Variants in CCDC102B observed in about 807,000 individuals in gnomAD.
The protein encoded by CCDC102B is coiled-coil domain containing 102B.
A neutral mutation model predicts 57.4 loss-of-function variants in CCDC102B; 75 were observed. That is an observed-to-expected ratio of 1.31 (90% CI 1.08 to 1.58). The LOEUF (loss-of-function observed/expected upper bound fraction) is 1.58. CCDC102B is among the 40% of genes most tolerant of loss of function. CCDC102B has a pLI of 0.00. For synonymous variants in CCDC102B, 206 were observed against 201.9 expected, an observed-to-expected ratio of 1.02 and a Z score of -0.17; for missense variants, 636 against 582.6, an observed-to-expected ratio of 1.09 and a Z score of -0.94.
At chr18:68,929,408 G>A (rs1275907842) in intron 6 of CCDC102B, among the ~76,000 whole-genome samples, 6 of 151,864 alleles carry the variant, frequency 4.0e-5, no homozygotes, top group Non-Finnish European at 5.9e-5. Context: ...AAAAGCATTG[G>A]TTTTACAACA....
At chr18:68,997,457 C>A (rs113219089) in intron 6 of CCDC102B, among the ~76,000 whole-genome samples, 3,543 of 152,052 alleles carry the variant, frequency 0.023, 141 homozygotes, top group African/African-American at 0.08. Context: ...AGTGTTCTGG[C>A]AAAAGGAGTA....
intron 2 of CCDC102B, among the ~76,000 whole-genome samples, chr18:68,726,663 G>C (rs1443290675): frequency 6.6e-6 from 1 of 152,160 alleles, no homozygotes; most frequent in East Asian, 1.9e-4. Context: ...CATTCCTGTA[G>C]AATGGTTTTC....
intron 1 of CCDC102B, among the ~76,000 whole-genome samples, chr18:68,825,825 T>C (rs760633453): frequency 6.6e-6 from 1 of 152,224 alleles, no homozygotes; most frequent in Non-Finnish European, 1.5e-5. Context: ...ATTCTGCTTG[T>C]AGCAGAATCC....
At chr18:68,830,373 TAC>T (rs1194080692) in intron 1 of CCDC102B, among the ~76,000 whole-genome samples, 2 of 151,952 alleles carry the variant, frequency 1.3e-5, no homozygotes, top group African/African-American at 4.8e-5. Flanking sequence ...GGTGGGGCTA[TAC>T]AGTTCCAGCA....
chr18:68,867,393 G>A (rs1188954805), intron 4 of CCDC102B, among the ~76,000 whole-genome samples: 1 of 152,118 alleles, frequency 6.6e-6, no homozygotes, highest in Non-Finnish European at 1.5e-5. Flanking sequence ...TCCATATTGG[G>A]CTCTGATTTG....
chr18:68,726,120 A>C (rs1212964074), intron 2 of CCDC102B, among the ~76,000 whole-genome samples: 1 of 152,172 alleles, frequency 6.6e-6, no homozygotes, highest in Non-Finnish European at 1.5e-5. Context: ...GAAATACATG[A>C]TTTTCAAAAG....
intron 1 of CCDC102B, among the ~76,000 whole-genome samples, chr18:68,833,985 C>T (rs682019): frequency 0.93 from 140,998 of 152,090 alleles, 66,316 homozygotes; most frequent in East Asian, 1. Context: ...AGCTAAAATA[C>T]GAAGAGTGCA....
chr18:68,837,223 G>A lies in CCDC102B; in HGVS notation c.460G>A (p.Val154Ile). 6.2e-7 allele frequency: 1 copy of A among 1,614,144 alleles called. No homozygotes were observed. The highest frequency in any genetic ancestry group is 8.5e-7 in the Non-Finnish European group (1 of 1,180,032). ...TCAGAAGGAGGCATTAGAAGCTAAA[G>A]TTACCCAGGATCTGAAGCTTCCTGG... is the stretch of plus-strand genomic sequence containing the variant. Reference protein sequence around the residue: ...PPQKEALEAKVTQDLKLPGFV... With the variant: ...PPQKEALEAKITQDLKLPGFV... Residue 154 changes from valine to isoleucine, a missense_variant, in exon 2 of 8, where the codon GTT (valine) becomes ATT (isoleucine). Coordinates refer to ENST00000360242, the MANE Select transcript of CCDC102B (RefSeq NM_024781.3).
intron 6 of CCDC102B, among the ~76,000 whole-genome samples, chr18:68,985,372 A>C (rs1282791498): frequency 6.6e-6 from 1 of 152,070 alleles, no homozygotes; most frequent in Non-Finnish European, 1.5e-5. Flanking sequence ...GTAAGAGAAA[A>C]CCACTACTCT....
chr18:68,741,252 TG>T (rs2033368264), intron 2 of CCDC102B, among the ~76,000 whole-genome samples: 1 of 152,194 alleles, frequency 6.6e-6, no homozygotes, highest in Non-Finnish European at 1.5e-5. Context: ...TTCCATCCAA[TG>T]GTGTCCAGAT....
intron 6 of CCDC102B, among the ~76,000 whole-genome samples, chr18:68,937,498 A>T (rs958577798): frequency 6.6e-6 from 1 of 152,084 alleles, no homozygotes; most frequent in Admixed American, 6.6e-5. Context: ...ATACATTTTC[A>T]TGAGTAGGTG....
downstream of CCDC102B, among the ~76,000 whole-genome samples, chr18:69,055,490 C>A (rs1284558523): frequency 2.0e-5 from 3 of 152,078 alleles, no homozygotes; most frequent in Non-Finnish European, 2.9e-5. Context: ...CCCATCATAT[C>A]CCCTGTCAAC....
At chr18:69,040,900 G>A (rs1216341282) in intron 7 of CCDC102B, among the ~76,000 whole-genome samples, 1 of 151,982 alleles carries the variant, frequency 6.6e-6, no homozygotes, top group Non-Finnish European at 1.5e-5. Context: ...ACCTGGGTGA[G>A]GTAAGAGGCA....
chr18:68,817,655 GAT>G (rs1180895166), intron 1 of CCDC102B, among the ~76,000 whole-genome samples: 3 of 152,282 alleles, frequency 2.0e-5, no homozygotes, highest in Admixed American at 2.0e-4. Flanking sequence ...ACGCGAGAAA[GAT>G]AACTGTGAAT....
intron 6 of CCDC102B, among the ~76,000 whole-genome samples, chr18:68,995,031 A>C (rs1358933325): frequency 6.6e-6 from 1 of 152,218 alleles, no homozygotes; most frequent in East Asian, 1.9e-4. Context: ...TGGACAATGA[A>C]GTTCAGGCTG....
At chr18:68,719,406 G>A in intron 2 of CCDC102B, among the ~76,000 whole-genome samples, 1 of 152,112 alleles carries the variant, frequency 6.6e-6, no homozygotes. Flanking sequence ...GATAATGAGG[G>A]GTCCAAAGGC....
intron 2 of CCDC102B, among the ~76,000 whole-genome samples, chr18:68,750,186 CA>C (rs2033791405): frequency 2.0e-5 from 3 of 152,026 alleles, no homozygotes; most frequent in African/African-American, 2.4e-5. Flanking sequence ...AAAAAATGTT[CA>C]AAAAATGTTC....
intron 4 of CCDC102B, among the ~76,000 whole-genome samples, chr18:68,870,087 A>T (rs557436127): frequency 2.6e-5 from 4 of 152,248 alleles, no homozygotes; most frequent in African/African-American, 9.6e-5. Context: ...CAGCAAACTA[A>T]CACAGGAACA....
chr18:68,780,685 C>T lies in CCDC102B; in HGVS notation c.-66-42681C>T, dbSNP rs541345285. ...TAATGACTAATGATGCTGAGGTTTC[C>T]GACAGGTGGATTCTGACAGTTTTAA... On this transcript the variant is annotated intron_variant, in intron 2 of 3. Transcript: ENST00000578970. Among the ~76,000 whole-genome samples, 15 of 152,086 alleles carry T rather than the reference C, an allele frequency of 9.9e-5. 1 individual carries two copies. In the South Asian group the frequency reaches 1.5e-3, roughly 15 times the overall value.
Sources: allele counts gnomAD v4.1 joint callset (sites outside exome capture counted in the v4.1 genomes callset), GRCh38; gene constraint gnomAD v4.1.1; transcripts MANE v1.5; gene names NCBI Gene and HGNC (gene_info 2026-07-23, HGNC 2026-07-21).